The following CREB5 variants were observed in gnomAD, a reference collection of about 807,000 sequenced individuals.
CREB5 encodes the protein cyclic AMP-responsive element-binding protein 5.
Under a neutral mutation model 57.1 loss-of-function variants are expected in CREB5, and 19 were observed. The observed-to-expected ratio is 0.33, with a 90% confidence interval of 0.23 to 0.49. CREB5 has a LOEUF of 0.49. CREB5 is among the 20% of genes least tolerant of loss of function. The probability of loss-of-function intolerance (pLI) is 0.99; values close to 1 mark genes in which losing one functional copy is unlikely to be tolerated. For missense variants in CREB5, 579 were observed against 671.6 expected, an observed-to-expected ratio of 0.86 and a Z score of 1.52; for synonymous variants, 238 against 238.3, an observed-to-expected ratio of 1.00 and a Z score of 0.01.
chr7:28,542,446 A>G (rs931337270), intron 4 of CREB5, among the ~76,000 whole-genome samples: 2 of 152,188 alleles, frequency 1.3e-5, no homozygotes, highest in Non-Finnish European at 2.9e-5. Flanking sequence ...GTGGTAAAAC[A>G]CTGGTTGTTT....
chr7:28,560,853 T>TGCGTGC (rs1434324324), intron 4 of CREB5, among the ~76,000 whole-genome samples: 3 of 65,702 alleles, frequency 4.6e-5, no homozygotes, highest in African/African-American at 1.1e-4. Flanking sequence ...TGCGCGTGTG[T>TGCGTGC]GTGTGCGTGT....
chr7:28,385,676 CAA>C, intron 1 of CREB5, among the ~76,000 whole-genome samples: 2 of 128,682 alleles, frequency 1.6e-5, no homozygotes, highest in African/African-American at 3.0e-5. Flanking sequence ...GACCCTGTCT[CAA>C]AAAAAAAAAA....
chr7:28,786,618 A>G (rs2128787929), intron 7 of CREB5, among the ~76,000 whole-genome samples: 1 of 152,304 alleles, frequency 6.6e-6, no homozygotes, highest in East Asian at 1.9e-4. Flanking sequence ...TAGATAAAAG[A>G]TAGGGTGGGG....
intron 1 of CREB5, among the ~76,000 whole-genome samples, chr7:28,325,933 A>G (rs1785591165): frequency 6.6e-6 from 1 of 152,226 alleles, no homozygotes; most frequent in African/African-American, 2.4e-5. Context: ...CTTTTGACAC[A>G]GCTCTGTCAT....
At chr7:28,309,047 G>A (rs1042498897) in intron 1 of CREB5, among the ~76,000 whole-genome samples, 1 of 152,096 alleles carries the variant, frequency 6.6e-6, no homozygotes, top group African/African-American at 2.4e-5. Flanking sequence ...GACTGTCTTT[G>A]GACTCAAACC....
At chr7:28,468,758 G>A (rs933824663) in intron 1 of CREB5, among the ~76,000 whole-genome samples, 3 of 152,190 alleles carry the variant, frequency 2.0e-5, no homozygotes, top group South Asian at 4.1e-4. Context: ...AGTCAACCGC[G>A]TGCTAAATGC....
At chr7:28,416,865 G>A (rs1788048445) in intron 1 of CREB5, among the ~76,000 whole-genome samples, 1 of 152,184 alleles carries the variant, frequency 6.6e-6, no homozygotes, top group African/African-American at 2.4e-5. Context: ...TAATCCTGCA[G>A]TAACAAGTCA....
intron 3 of CREB5, among the ~76,000 whole-genome samples, chr7:28,504,596 T>G (rs1792401473): frequency 6.6e-6 from 1 of 152,172 alleles, no homozygotes; most frequent in African/African-American, 2.4e-5. Context: ...CAAACCAAAC[T>G]AAAAACAAGT....
intron 5 of CREB5, among the ~76,000 whole-genome samples, chr7:28,595,825 G>T (rs1796674267): frequency 6.6e-6 from 1 of 152,170 alleles, no homozygotes; most frequent in African/African-American, 2.4e-5. Context: ...GATAGGAACT[G>T]AGGCTTTTGA....
At chr7:28,396,405 T>A (rs968696820) in intron 1 of CREB5, among the ~76,000 whole-genome samples, 12 of 152,244 alleles carry the variant, frequency 7.9e-5, no homozygotes, top group Non-Finnish European at 1.6e-4. Context: ...CTGTTGGGGA[T>A]GTTTATAATA....
chr7:28,701,703 G>T (rs1801868252), intron 5 of CREB5, among the ~76,000 whole-genome samples: 1 of 152,118 alleles, frequency 6.6e-6, no homozygotes, highest in South Asian at 2.1e-4. Flanking sequence ...GACATCAAAT[G>T]ATAGTTATAG....
intron 1 of CREB5, among the ~76,000 whole-genome samples, chr7:28,415,630 G>C (rs890646730): frequency 7.9e-5 from 12 of 151,586 alleles, no homozygotes; most frequent in African/African-American, 2.9e-4. Context: ...TTTCATCATT[G>C]TTATGAGACA....
At chr7:28,370,091 T>A (rs1583403299) in intron 1 of CREB5, among the ~76,000 whole-genome samples, 1 of 152,334 alleles carries the variant, frequency 6.6e-6, no homozygotes, top group Non-Finnish European at 1.5e-5. Context: ...ATTAGTTTAA[T>A]GTTGATAAGA....
Position 28,300,663 on chromosome 7 carries a change from T to G in CREB5, c.-25+1222T>G, listed in dbSNP as rs147407333. On this transcript the variant is annotated intron_variant, in intron 1 of 9. Transcript: ENST00000396299. Reference sequence around the variant, plus strand: ...CATGGATAGTCTGTGCCGAAACTGGTTGAGCATTAGTGTGTGTGATTTAAT... The same window carrying G: ...CATGGATAGTCTGTGCCGAAACTGGGTGAGCATTAGTGTGTGTGATTTAAT... Among the ~76,000 whole-genome samples, 175 of 152,332 alleles carry G rather than the reference T, an allele frequency of 1.1e-3. 2 individuals are homozygous for G. Among genetic ancestry groups the G allele is most frequent in the African/African-American group, 4.0e-3 (166 of 41,568 alleles).
chr7:28,415,316 C>T (rs145281935), intron 1 of CREB5, among the ~76,000 whole-genome samples: 1 of 152,262 alleles, frequency 6.6e-6, no homozygotes, highest in East Asian at 1.9e-4. Flanking sequence ...CCTGGCTCAC[C>T]CAAGGCCCAG....
intron 5 of CREB5, among the ~76,000 whole-genome samples, chr7:28,687,719 A>G (rs768165248): frequency 6.6e-6 from 1 of 151,946 alleles, no homozygotes; most frequent in Non-Finnish European, 1.5e-5. Flanking sequence ...CATGTTTTGG[A>G]TATCATTCAT....
chr7:28,748,845 A>C (rs1804825550), intron 7 of CREB5, among the ~76,000 whole-genome samples: 1 of 152,174 alleles, frequency 6.6e-6, no homozygotes, highest in Non-Finnish European at 1.5e-5. Context: ...AAAGGAATAA[A>C]TGCAAGAGGG....
At chr7:28,589,270 T>A (rs1317172726) in intron 5 of CREB5, among the ~76,000 whole-genome samples, 1 of 152,112 alleles carries the variant, frequency 6.6e-6, no homozygotes, top group African/African-American at 2.4e-5. Context: ...GAGTTGATAT[T>A]TGGGCTGGGC....
intron 5 of CREB5, among the ~76,000 whole-genome samples, chr7:28,639,847 C>T (rs186788692): frequency 3.3e-4 from 50 of 152,250 alleles, no homozygotes; most frequent in African/African-American, 1.1e-3. Context: ...AAAATCAATG[C>T]CACAAATCCT....
Sources: gnomAD v4.1 joint callset for allele counts (sites outside exome capture counted in the v4.1 genomes callset) on GRCh38, gnomAD v4.1.1 for gene constraint, MANE v1.5 for transcripts, NCBI Gene and HGNC (gene_info 2026-07-23, HGNC 2026-07-21) for gene names.